The following SWT1 variants were observed in gnomAD, a reference collection of about 807,000 sequenced individuals.
SWT1 encodes the protein SWT1 RNA endoribonuclease homolog.
SWT1 carries 33 observed loss-of-function variants against 107.3 expected under a neutral mutation model. The observed-to-expected ratio is 0.31, with a 90% CI of 0.23 to 0.41. The LOEUF (loss-of-function observed/expected upper bound fraction) is 0.41, where lower values mean the gene tolerates loss of function less well. SWT1 is among the 10% of genes least tolerant of loss of function. The pLI is 1.00. For missense variants in SWT1, 898 were observed against 1,028.9 expected (o/e 0.87, Z 1.74); for synonymous variants, 345 against 348.3 (o/e 0.99, Z 0.11).
At chr1:185,227,787 A>T (rs1273602238) in intron 15 of SWT1, 3 of 359,752 alleles carry the variant, frequency 8.3e-6, no homozygotes, top group East Asian at 7.2e-5. Context: ...AGACATTTTT[A>T]AAAATGTGTA....
chr1:185,200,077 T>C (rs1419359224), intron 10 of SWT1, among the ~76,000 whole-genome samples: 1 of 152,210 alleles, frequency 6.6e-6, no homozygotes, highest in African/African-American at 2.4e-5. Context: ...GTTCTCGTGC[T>C]GTTTTTTTCA....
chr1:185,199,377 T>G (rs1657678361), intron 10 of SWT1, among the ~76,000 whole-genome samples: 1 of 152,232 alleles, frequency 6.6e-6, no homozygotes. Flanking sequence ...GTTTTTGCAG[T>G]GGCTGGTACT....
intron 18 of SWT1, among the ~76,000 whole-genome samples, chr1:185,284,992 G>C (rs541603445): frequency 1.3e-5 from 2 of 151,962 alleles, no homozygotes; most frequent in South Asian, 4.2e-4. Flanking sequence ...TGTATTCCTA[G>C]CTCAGGTGAC....
At chr1:185,250,276 TGA>T (rs1297612404) in intron 16 of SWT1, among the ~76,000 whole-genome samples, 1 of 152,132 alleles carries the variant, frequency 6.6e-6, no homozygotes, top group Non-Finnish European at 1.5e-5. Context: ...CATAAGAATG[TGA>T]GAGGCAACCA....
intron 10 of SWT1, among the ~76,000 whole-genome samples, chr1:185,193,059 G>T (rs150768719): frequency 6.6e-6 from 1 of 152,082 alleles, no homozygotes; most frequent in Non-Finnish European, 1.5e-5. Flanking sequence ...TTCTGCAGTT[G>T]TATCCCACAA....
At chr1:185,164,695 C>G (rs1654432061) in intron 2 of SWT1, among the ~76,000 whole-genome samples, 1 of 152,196 alleles carries the variant, frequency 6.6e-6, no homozygotes, top group South Asian at 2.1e-4. Flanking sequence ...CATCTGTGAG[C>G]CTTCATAGAA....
At chr1:185,278,662 G>C (rs10798003) in intron 18 of SWT1, among the ~76,000 whole-genome samples, 2 of 151,962 alleles carry the variant, frequency 1.3e-5, no homozygotes, top group Non-Finnish European at 2.9e-5. Flanking sequence ...AGTGAGTTCT[G>C]TTGTAACACG....
intron 15 of SWT1, among the ~76,000 whole-genome samples, chr1:185,231,329 A>G (rs1027841798): frequency 7.9e-5 from 12 of 152,226 alleles, no homozygotes; most frequent in South Asian, 2.1e-4. Flanking sequence ...GAATGAAACA[A>G]TATTCACACA....
intron 15 of SWT1, 56 bp downstream of exon 15, chr1:185,222,092 G>A (rs1460260846): frequency 1.7e-6 from 2 of 1,199,178 alleles, no homozygotes; most frequent in Non-Finnish European, 1.1e-6. Flanking sequence ...CATTATAATT[G>A]TACATATTTA....
At position 185,185,057 on chromosome 1, in the gene SWT1, A is replaced by G. The variant is rs1656336469; in HGVS notation, c.1429+126A>G. 1.3e-5 allele frequency: 8 copies of G among 613,456 alleles called. No homozygotes were observed. In the South Asian group the frequency reaches 3.3e-4, roughly 26 times the overall value. 38.0% of individuals were successfully genotyped at this position (613,456 alleles called of 1,614,324 possible). On this transcript the variant is annotated intron_variant, in intron 9 of 18. Transcript: ENST00000367500. ...CATTGGAATGTGAAATGGAAGGGGC[A>G]TTGTGATGGTTTGTGGCTTAGTTTA...
chr1:185,249,983 A>G (rs755335877), intron 16 of SWT1, among the ~76,000 whole-genome samples: 1 of 152,112 alleles, frequency 6.6e-6, no homozygotes, highest in African/African-American at 2.4e-5. Flanking sequence ...TACCAGAACA[A>G]TCCTGTAAAG....
intron 17 of SWT1, among the ~76,000 whole-genome samples, chr1:185,272,497 G>C (rs1663943000): frequency 6.6e-6 from 1 of 151,994 alleles, no homozygotes; most frequent in East Asian, 1.9e-4. Flanking sequence ...TTAACTTTCT[G>C]TATGCCACAT....
intron 10 of SWT1, among the ~76,000 whole-genome samples, chr1:185,202,080 A>G (rs772003802): frequency 3.9e-5 from 6 of 152,006 alleles, no homozygotes; most frequent in Admixed American, 6.6e-5. Flanking sequence ...CGATCATGTC[A>G]TTTTCCCACT....
intron 11 of SWT1, among the ~76,000 whole-genome samples, chr1:185,203,851 A>T (rs1261533510): frequency 6.6e-6 from 1 of 152,098 alleles, no homozygotes; most frequent in Non-Finnish European, 1.5e-5. Flanking sequence ...CTACTTATTT[A>T]CCCTTTTTGG....
chr1:185,249,108 G>A (rs533794090), intron 16 of SWT1, among the ~76,000 whole-genome samples: 1 of 152,254 alleles, frequency 6.6e-6, no homozygotes, highest in South Asian at 2.1e-4. Context: ...CTTAGAGGCT[G>A]GATCTCCAGC....
chr1:185,256,609 C>G (rs1376724925), intron 16 of SWT1, among the ~76,000 whole-genome samples: 2 of 143,916 alleles, frequency 1.4e-5, no homozygotes, highest in African/African-American at 2.7e-5. Flanking sequence ...ACGTAGTTCT[C>G]GAGCCTTGGT....
chr1:185,232,764 C>T (rs991450779), intron 16 of SWT1, among the ~76,000 whole-genome samples: 1 of 152,134 alleles, frequency 6.6e-6, no homozygotes, highest in African/African-American at 2.4e-5. Context: ...TACTATACCA[C>T]CTTCTGGGGA....
rs146980333 is a variant in SWT1 at position 185,208,254 on chromosome 1, G to A, written c.1972+1491G>A. On this transcript the variant is annotated intron_variant, in intron 13 of 18. Coordinates refer to ENST00000367500, the MANE Select transcript of SWT1 (RefSeq NM_017673.7). ...GAAAAAAATTGCATATTCTATGATAGGTGTACCTTATTCTCTGTCTTTTCC... is the reference window on the plus strand; with the variant it reads ...GAAAAAAATTGCATATTCTATGATAAGTGTACCTTATTCTCTGTCTTTTCC... 7.9e-5 allele frequency among the ~76,000 whole-genome samples: 12 copies of A among 152,222 alleles called. 1 individual carries two copies. In the East Asian group the frequency reaches 2.1e-3, roughly 27 times the overall value.
At chr1:185,274,888 A>G (rs1664137010) in intron 17 of SWT1, among the ~76,000 whole-genome samples, 1 of 152,202 alleles carries the variant, frequency 6.6e-6, no homozygotes. Context: ...GTGAAACAAG[A>G]TCAGGCCAGA....
Sources: allele counts gnomAD v4.1 joint callset (sites outside exome capture counted in the v4.1 genomes callset), GRCh38; gene constraint gnomAD v4.1.1; transcripts MANE v1.5; gene names NCBI Gene and HGNC (gene_info 2026-07-23, HGNC 2026-07-21).